FNIP1: variants seen among roughly 807,000 people sequenced by gnomAD.
The protein encoded by FNIP1 is folliculin interacting protein 1.
In FNIP1, 40 loss-of-function variants were observed where a neutral mutation model predicts 124.5. The ratio of observed to expected loss-of-function variants is 0.32; its 90% CI spans 0.25 to 0.42. The LOEUF (loss-of-function observed/expected upper bound fraction) is 0.42. Ranked by LOEUF, FNIP1 falls within the 10% of genes least tolerant of loss-of-function variation. The pLI is 1.00. For synonymous variants in FNIP1, 472 were observed against 470.6 expected (o/e 1.00, Z -0.04); for missense variants, 1,176 against 1,403.7 (o/e 0.84, Z 2.59).
chr5:131,703,429 T>G (rs1348681175), intron 10 of FNIP1, among the ~76,000 whole-genome samples: 1 of 152,240 alleles, frequency 6.6e-6, no homozygotes, highest in African/African-American at 2.4e-5. Context: ...TTCATACTTT[T>G]GTAAGAATAA....
chr5:131,720,934 A>G (rs1430718288), intron 3 of FNIP1, among the ~76,000 whole-genome samples: 1 of 152,194 alleles, frequency 6.6e-6, no homozygotes, highest in Non-Finnish European at 1.5e-5. Flanking sequence ...TCCTCCAAAA[A>G]TTAAAAATAG....
intron 1 of FNIP1, among the ~76,000 whole-genome samples, chr5:131,785,011 TATATATG>T (rs1164603104): frequency 3.9e-5 from 5 of 129,312 alleles, no homozygotes; most frequent in East Asian, 2.0e-4. Flanking sequence ...TATATGACTA[TATATATG>T]ATATATATGA....
intron 3 of FNIP1, among the ~76,000 whole-genome samples, chr5:131,727,001 T>C (rs1378538437): frequency 6.6e-6 from 1 of 152,250 alleles, no homozygotes; most frequent in African/African-American, 2.4e-5. Flanking sequence ...GATTGCACTT[T>C]GGTCTGAGAG....
intron 1 of FNIP1, among the ~76,000 whole-genome samples, chr5:131,793,140 T>C (rs1221566486): frequency 6.6e-6 from 1 of 152,112 alleles, no homozygotes; most frequent in Non-Finnish European, 1.5e-5. Context: ...CTAAGCAACC[T>C]CCCACCTCAG....
intron 10 of FNIP1, among the ~76,000 whole-genome samples, chr5:131,699,248 C>T (rs896485660): frequency 6.6e-5 from 10 of 152,120 alleles, no homozygotes; most frequent in Non-Finnish European, 1.5e-4. Context: ...AAACTGCAGA[C>T]TGTCAACACA....
intron 1 of FNIP1, among the ~76,000 whole-genome samples, chr5:131,746,821 C>T (rs1043626556): frequency 2.0e-5 from 3 of 152,168 alleles, no homozygotes; most frequent in African/African-American, 7.2e-5. Flanking sequence ...CAAATGGTAG[C>T]TCTCTTTCAA....
chr5:131,644,633 T>C lies in FNIP1; in HGVS notation c.*52A>G. 25 of 1,486,012 alleles carry C rather than the reference T, an allele frequency of 1.7e-5. No individual in the cohort carries two copies. Among genetic ancestry groups the C allele is most frequent in the Non-Finnish European group, 2.3e-5 (25 of 1,065,292 alleles). The allele number at this position is 1,486,012 out of a possible 1,614,324, so 92.1% of individuals were successfully genotyped here. On this transcript the variant is annotated 3_prime_UTR_variant, in exon 18 of 18. Coordinates refer to ENST00000510461, the MANE Select transcript of FNIP1 (RefSeq NM_133372.3). ...CTCCATAAATGCATGTTGTGTCTGC[T>C]TCCTTGGTTTCTACCTATTTTCCCA...
In FNIP1 at chr5:131,695,952, G is replaced by A. The variant is rs142470043; in HGVS notation, c.1202+2965C>T. ...ACTGAAATATCAAATCAATGGTTAGGATATGTATCCTAGGCAGGCCTAAAC... is the reference window on the plus strand; with the variant it reads ...ACTGAAATATCAAATCAATGGTTAGAATATGTATCCTAGGCAGGCCTAAAC... On this transcript the variant is annotated intron_variant, in intron 11 of 17. Coordinates refer to ENST00000510461, the MANE Select transcript of FNIP1 (RefSeq NM_133372.3). 5.8e-4 allele frequency among the ~76,000 whole-genome samples: 89 copies of A among 152,282 alleles called. No individual in the cohort carries two copies. The East Asian group carries it at 6.0e-3, about 10-fold the overall frequency.
At chr5:131,676,950 T>G (rs986973403) in intron 13 of FNIP1, among the ~76,000 whole-genome samples, 8 of 152,130 alleles carry the variant, frequency 5.3e-5, no homozygotes, top group Non-Finnish European at 1.0e-4. Flanking sequence ...TACTACCCAG[T>G]CACCAAAATG....
intron 11 of FNIP1, among the ~76,000 whole-genome samples, chr5:131,681,657 T>A (rs1768084955): frequency 1.8e-5 from 1 of 56,646 alleles, no homozygotes; most frequent in Non-Finnish European, 4.0e-5. Flanking sequence ...AAAGATTTGC[T>A]GAAATGAAAA....
In FNIP1 at chr5:131,783,516, T is replaced by C. The variant is rs138727692; in HGVS notation, c.92+13314A>G. 1.0e-3 allele frequency among the ~76,000 whole-genome samples: 157 copies of C among 150,046 alleles called. 1 individual carries two copies. The highest frequency in any genetic ancestry group is 3.7e-3 in the African/African-American group (150 of 41,050). The stretch of plus-strand genomic sequence containing the variant: ...GAGACTGTCCCTGGAGGATCTAAAG[T>C]TCTAAAAAGAAGTGATGCAATCTAA... On this transcript the variant is annotated intron_variant, in intron 1 of 17. Coordinates refer to ENST00000510461, the MANE Select transcript of FNIP1 (RefSeq NM_133372.3).
At chr5:131,776,851 T>C (rs1401333383) in intron 1 of FNIP1, among the ~76,000 whole-genome samples, 1 of 152,214 alleles carries the variant, frequency 6.6e-6, no homozygotes, top group Non-Finnish European at 1.5e-5. Flanking sequence ...TATTATATAT[T>C]ATATAAAGTG....
intron 15 of FNIP1, among the ~76,000 whole-genome samples, chr5:131,663,297 A>T (rs1456001904): frequency 6.6e-6 from 1 of 152,218 alleles, no homozygotes; most frequent in East Asian, 1.9e-4. Context: ...ATATATACAG[A>T]TATTGTTTGA....
intron 8 of FNIP1, 26 bp from the exon 9 acceptor site, chr5:131,706,572 A>T (rs538646914): frequency 5.3e-6 from 8 of 1,510,810 alleles, no homozygotes; most frequent in Non-Finnish European, 7.1e-6. Context: ...AACAACAAGT[A>T]TAAGTCAATA....
rs574205091 is a variant in FNIP1, at chr5:131,771,791, T to C, written c.92+25039A>G. Among the ~76,000 whole-genome samples the C allele has an allele frequency of 2.6e-5, 4 of 152,160 alleles. No homozygotes were observed. The South Asian group carries it at 8.3e-4, about 32-fold the overall frequency. ...TTTCACCTATTTATCTTTAAAAAGT[T>C]TTACGTTACTGTCACATTTACCTTC... On this transcript the variant is annotated intron_variant, in intron 1 of 17. Transcript: ENST00000510461.
chr5:131,758,019 T>C (rs953069042), intron 1 of FNIP1, among the ~76,000 whole-genome samples: 1 of 152,218 alleles, frequency 6.6e-6, no homozygotes, highest in African/African-American at 2.4e-5. Context: ...AAAGTTCTGA[T>C]TCCCTTTACC....
chr5:131,770,597 TGG>T (rs1250512887), intron 1 of FNIP1, among the ~76,000 whole-genome samples: 1 of 152,204 alleles, frequency 6.6e-6, no homozygotes, highest in Non-Finnish European at 1.5e-5. Flanking sequence ...AACAGAAGAA[TGG>T]GCTCTGAATC....
chr5:131,758,756 G>A (rs74371199), intron 1 of FNIP1, among the ~76,000 whole-genome samples: 5,436 of 152,068 alleles, frequency 0.036, 121 homozygotes, highest in East Asian at 0.11. Context: ...ACACACTGAC[G>A]CTGCACCTCA....
At chr5:131,706,383 T>C in intron 9 of FNIP1, 28 bp downstream of exon 9, 1 of 1,593,508 alleles carries the variant, frequency 6.3e-7, no homozygotes, top group Non-Finnish European at 8.5e-7. Context: ...CTACTCAATC[T>C]TGTTCTGTGT....
Sources: gnomAD v4.1 joint callset for allele counts (sites outside exome capture counted in the v4.1 genomes callset) on GRCh38, gnomAD v4.1.1 for gene constraint, MANE v1.5 for transcripts, NCBI Gene and HGNC (gene_info 2026-07-23, HGNC 2026-07-21) for gene names.